ST8SIA4: variants seen among roughly 807,000 people sequenced by gnomAD.
The protein encoded by ST8SIA4 is CMP-N-acetylneuraminate-poly-alpha-2,8-sialyltransferase.
A neutral mutation model predicts 33.9 loss-of-function variants in ST8SIA4; 15 were observed. The ratio of observed to expected loss-of-function variants is 0.44; its 90% CI spans 0.30 to 0.68. ST8SIA4 has a LOEUF of 0.68. Ranked by LOEUF, ST8SIA4 falls within the 30% of genes least tolerant of loss-of-function variation. The pLI, the probability that ST8SIA4 is intolerant of heterozygous loss-of-function variation, is 0.10. For missense variants in ST8SIA4, 321 were observed against 428.0 expected (o/e 0.75, Z 2.21); for synonymous variants, 171 against 151.2 (o/e 1.13, Z -0.96).
At chr5:100,835,419 T>C (rs1751346873) in intron 4 of ST8SIA4, among the ~76,000 whole-genome samples, 1 of 152,138 alleles carries the variant, frequency 6.6e-6, no homozygotes, top group Admixed American at 6.5e-5. Flanking sequence ...TTTTTAAAAA[T>C]CTTTTTTTTC....
At chr5:100,895,620 G>T (rs1554060817) in intron 2 of ST8SIA4, 34 bp downstream of exon 2, 3 of 1,588,646 alleles carry the variant, frequency 1.9e-6, no homozygotes. Context: ...AGAACATGAT[G>T]TGAAATTTAT....
intron 4 of ST8SIA4, among the ~76,000 whole-genome samples, chr5:100,814,913 A>C (rs1171098530): frequency 6.6e-6 from 1 of 152,018 alleles, no homozygotes; most frequent in Non-Finnish European, 1.5e-5. Context: ...ACCTATACAC[A>C]ATTTGATATT....
chr5:100,895,912 A>T, intron 1 of ST8SIA4, 127 bp from the exon 2 acceptor site: 2 of 943,472 alleles, frequency 2.1e-6, no homozygotes, highest in Non-Finnish European at 3.0e-6. Context: ...AGTTAGAAGG[A>T]AATACGCAAG....
Position 100,886,455 on chromosome 5 carries a change from C to T in ST8SIA4, c.391G>A (p.Val131Ile), listed in dbSNP as rs776615177. The change falls in exon 3 of 5, where the codon GTT becomes ATT. Residue 131 changes from valine to isoleucine, a missense_variant. By Grantham distance (29) the Val-to-Ile change is conservative. Coordinates refer to ENST00000231461, the MANE Select transcript of ST8SIA4 (RefSeq NM_005668.6). ...SHDLHSLLPEVSPMKNRRFKT... is the reference protein window; with the variant it reads ...SHDLHSLLPEISPMKNRRFKT... ...AACCTGCGATTCTTCATTGGTGAAA[C>T]TTCAGGTAGGAGGCTATGTAGATCA... 6 of 1,613,942 alleles carry T rather than the reference C, an allele frequency of 3.7e-6. No individual in the cohort carries two copies. The highest frequency in any genetic ancestry group is 4.2e-6 in the Non-Finnish European group (5 of 1,179,852).
At chr5:100,879,220 C>T (rs1461246219) in intron 3 of ST8SIA4, among the ~76,000 whole-genome samples, 1 of 152,106 alleles carries the variant, frequency 6.6e-6, no homozygotes, top group East Asian at 1.9e-4. Context: ...TAAACAATCA[C>T]AGCTGCTAAA....
intron 4 of ST8SIA4, among the ~76,000 whole-genome samples, chr5:100,815,859 C>A (rs1750905564): frequency 6.6e-6 from 1 of 152,076 alleles, no homozygotes; most frequent in Non-Finnish European, 1.5e-5. Context: ...GGTTGTAATG[C>A]TGTAAAAGAG....
At chr5:100,815,418 T>G (rs1370645271) in intron 4 of ST8SIA4, among the ~76,000 whole-genome samples, 1 of 151,670 alleles carries the variant, frequency 6.6e-6, no homozygotes, top group Non-Finnish European at 1.5e-5. Flanking sequence ...TCATCCTTCC[T>G]TTCTTCCTTC....
rs980283630 is a variant in ST8SIA4 at position 100,814,011 on chromosome 5, A to G, written c.798-1882T>C. Among the ~76,000 whole-genome samples the G allele has an allele frequency of 2.6e-5, 4 of 152,028 alleles. No individual in the cohort carries two copies. In the East Asian group the frequency reaches 5.8e-4, roughly 22 times the overall value. On this transcript the variant is annotated intron_variant, in intron 4 of 4. Coordinates refer to ENST00000231461, the MANE Select transcript of ST8SIA4 (RefSeq NM_005668.6). ...TGTATGAAACTCCAGACTTCTTACT[A>G]TCAACAAATGCTTTCCATTTCCTAA...
chr5:100,890,850 T>G (rs1400437468), intron 2 of ST8SIA4: 2 of 151,944 alleles, frequency 1.3e-5, no homozygotes, highest in African/African-American at 4.8e-5. Flanking sequence ...CTATTTTTTT[T>G]GTTAGGCAAT....
intron 3 of ST8SIA4, among the ~76,000 whole-genome samples, chr5:100,884,883 T>C (rs1226505229): frequency 1.3e-5 from 2 of 152,230 alleles, no homozygotes; most frequent in Non-Finnish European, 2.9e-5. Flanking sequence ...TGTCAAAGTT[T>C]AGAGGGACAC....
chr5:100,847,412 C>T (rs1751592936), intron 4 of ST8SIA4, among the ~76,000 whole-genome samples: 2 of 152,018 alleles, frequency 1.3e-5, no homozygotes. Flanking sequence ...GGAGCCTGGT[C>T]TGATTCAAAT....
intron 4 of ST8SIA4, among the ~76,000 whole-genome samples, chr5:100,855,517 T>G (rs943626508): frequency 6.6e-6 from 1 of 152,242 alleles, no homozygotes; most frequent in Admixed American, 6.5e-5. Context: ...GAATTTGGCC[T>G]TTTGGTCATT....
rs147542635 is a variant in ST8SIA4, at chr5:100,819,665, G to T, written c.798-7536C>A. 5.6e-3 allele frequency among the ~76,000 whole-genome samples: 846 copies of T among 152,190 alleles called. 6 individuals are homozygous for T. The highest frequency in any genetic ancestry group is 0.011 in the Admixed American group (171 of 15,286). On this transcript the variant is annotated intron_variant, in intron 4 of 4. Coordinates refer to ENST00000231461, the MANE Select transcript of ST8SIA4 (RefSeq NM_005668.6). The stretch of plus-strand genomic sequence containing the variant: ...CTGTAGCTTCATGAGTTTTGATCAA[G>T]AAAATCAATTTAAAAAATTACTTAG...
chr5:100,858,969 C>G (rs1365578500), intron 3 of ST8SIA4, among the ~76,000 whole-genome samples: 1 of 152,034 alleles, frequency 6.6e-6, no homozygotes, highest in Non-Finnish European at 1.5e-5. Flanking sequence ...AATATATATA[C>G]ATTTTCCCTG....
chr5:100,869,853 T>C (rs916422023), intron 3 of ST8SIA4, among the ~76,000 whole-genome samples: 3 of 152,204 alleles, frequency 2.0e-5, no homozygotes, highest in East Asian at 3.8e-4. Flanking sequence ...CTTATCTTTT[T>C]TGTTATTATT....
intron 4 of ST8SIA4, among the ~76,000 whole-genome samples, chr5:100,855,272 C>A (rs1279038521): frequency 6.6e-6 from 1 of 152,162 alleles, no homozygotes. Flanking sequence ...TTCCAAGTGT[C>A]TTTGTGAACC....
chr5:100,834,835 C>A (rs914308151), intron 4 of ST8SIA4, among the ~76,000 whole-genome samples: 1 of 152,118 alleles, frequency 6.6e-6, no homozygotes, highest in Non-Finnish European at 1.5e-5. Flanking sequence ...GACGCCTCCC[C>A]AGAAGCCAAG....
rs193043754 is a variant in ST8SIA4 at position 100,809,051 on chromosome 5, C to G, written c.*2796G>C. On this transcript the variant is annotated 3_prime_UTR_variant, in exon 5 of 5. Transcript: ENST00000231461. ...AAGTAATGTGAAAAAGCTAAAAAGG[C>G]ACTACTCAATGCATCTATGAGATAA... 1 of 152,684 alleles carries G rather than the reference C, an allele frequency of 6.5e-6. No homozygotes were observed. The allele number at this position is 152,684 out of a possible 1,614,324, so 9.5% of individuals were successfully genotyped here.
intron 1 of ST8SIA4, among the ~76,000 whole-genome samples, chr5:100,898,410 G>A (rs539719238): frequency 6.6e-6 from 1 of 152,176 alleles, no homozygotes; most frequent in Non-Finnish European, 1.5e-5. Flanking sequence ...GTTGTGCCAA[G>A]CCTTTTCAGA....
Sources: allele counts gnomAD v4.1 joint callset (sites outside exome capture counted in the v4.1 genomes callset), GRCh38; gene constraint gnomAD v4.1.1; transcripts MANE v1.5; gene names NCBI Gene and HGNC (gene_info 2026-07-23, HGNC 2026-07-21).